FBXL20: variants seen among roughly 807,000 people sequenced by gnomAD.
FBXL20 encodes the protein F-box/LRR-repeat protein 20.
Under a neutral mutation model 64.0 loss-of-function variants are expected in FBXL20, and 11 were observed. That is an observed-to-expected ratio of 0.17 (90% CI 0.11 to 0.28). The LOEUF is 0.28. Among genes scored for constraint, FBXL20 ranks in the 10% least tolerant of loss-of-function variants. FBXL20 has a pLI of 1.00. For synonymous variants in FBXL20, 184 were observed against 189.0 expected (o/e 0.97, Z 0.22); for missense variants, 303 against 526.2 (o/e 0.58, Z 4.15).
At chr17:39,327,842 A>G (rs990256447) in intron 2 of FBXL20, among the ~76,000 whole-genome samples, 1 of 152,088 alleles carries the variant, frequency 6.6e-6, no homozygotes, top group Non-Finnish European at 1.5e-5. Flanking sequence ...CTGGGACTAT[A>G]GGCGCCTGCC....
intron 2 of FBXL20, among the ~76,000 whole-genome samples, chr17:39,335,738 ACT>A (rs2047515526): frequency 6.6e-6 from 1 of 152,182 alleles, no homozygotes; most frequent in South Asian, 2.1e-4. Context: ...AAGAGGGAGT[ACT>A]GTCAATCTTG....
intron 4 of FBXL20, among the ~76,000 whole-genome samples, 194 bp downstream of exon 4, chr17:39,300,807 C>T (rs1430731772): frequency 1.3e-5 from 2 of 152,124 alleles, no homozygotes; most frequent in African/African-American, 4.8e-5. Context: ...TGTATTATTT[C>T]AGTGAAATAA....
intron 7 of FBXL20, 132 bp from the exon 8 acceptor site, chr17:39,282,987 A>G: frequency 2.1e-6 from 2 of 966,752 alleles, no homozygotes; most frequent in Non-Finnish European, 3.1e-6. Flanking sequence ...AAACATATTT[A>G]CCTAATGTAT....
intron 1 of FBXL20, among the ~76,000 whole-genome samples, chr17:39,355,045 C>T (rs2047722495): frequency 6.6e-6 from 1 of 152,186 alleles, no homozygotes. Context: ...GATTCTCCTG[C>T]CTCAGCCTCC....
intron 6 of FBXL20, among the ~76,000 whole-genome samples, chr17:39,293,620 T>G (rs2047060247): frequency 6.6e-6 from 1 of 152,350 alleles, no homozygotes; most frequent in South Asian, 2.1e-4. Flanking sequence ...GAGTCTTTAT[T>G]GAATGTCCCA....
At chr17:39,393,419 C>T (rs1447455928) in intron 1 of FBXL20, among the ~76,000 whole-genome samples, 2 of 152,146 alleles carry the variant, frequency 1.3e-5, no homozygotes, top group Non-Finnish European at 2.9e-5. Flanking sequence ...ACAGTGGTTA[C>T]TACATTTGAT....
chr17:39,362,717 A>G (rs2047810385), intron 1 of FBXL20, among the ~76,000 whole-genome samples: 1 of 149,358 alleles, frequency 6.7e-6, no homozygotes, highest in Non-Finnish European at 1.5e-5. Flanking sequence ...CTCGGGTTCA[A>G]GTGATTCTCC....
rs1180217720 is a variant in FBXL20, at chr17:39,255,474, G to A, written c.*5986C>T. ...ATAAATAAATACAACAGGTAGATGTGACTTGAGGGGGAAGCTGCAGAAGCC... is the reference window on the plus strand; with the variant it reads ...ATAAATAAATACAACAGGTAGATGTAACTTGAGGGGGAAGCTGCAGAAGCC... On this transcript the variant is annotated 3_prime_UTR_variant, in exon 15 of 15. Coordinates refer to ENST00000264658, the MANE Select transcript of FBXL20 (RefSeq NM_032875.3). The A allele has an allele frequency of 6.6e-6, 1 of 151,782 alleles. No individual in the cohort carries two copies. The highest frequency in any genetic ancestry group is 2.4e-5 in the African/African-American group (1 of 41,314). 9.4% of individuals were successfully genotyped at this position (151,782 alleles called of 1,614,324 possible). A position where few individuals can be genotyped will look rare whatever the true frequency, so the allele number is the denominator to read the frequency against.
chr17:39,285,584 G>GA lies in FBXL20; in HGVS notation c.399-12dup. On this transcript the variant is annotated splice_polypyrimidine_tract_variant and intron_variant, in intron 6 of 14. Transcript: ENST00000264658. ...AGGCTAGTACATGTACTGAAAAATG[G>GA]AAAAAGGAGAAAATAATGAATAAAC... 6.5e-7 allele frequency: 1 copy of GA among 1,544,374 alleles called. No homozygotes were observed. The highest frequency in any genetic ancestry group is 8.8e-7 in the Non-Finnish European group (1 of 1,134,778).
intron 2 of FBXL20, among the ~76,000 whole-genome samples, chr17:39,331,261 C>T (rs1378777217): frequency 1.3e-5 from 2 of 152,034 alleles, no homozygotes; most frequent in Non-Finnish European, 1.5e-5. Context: ...CCATCATGCC[C>T]GGCTAATTTT....
At chr17:39,402,279 CGGTTG>C, upstream of FBXL20, 1 of 1,165,070 alleles carries the variant, frequency 8.6e-7, no homozygotes, top group African/African-American at 1.7e-5. Flanking sequence ...CGCGCCTCCG[CGGTTG>C]CCGCCGCCGC....
At chr17:39,307,997 G>C (rs2047198198) in intron 2 of FBXL20, among the ~76,000 whole-genome samples, 1 of 149,890 alleles carries the variant, frequency 6.7e-6, no homozygotes, top group South Asian at 2.1e-4. Context: ...AAATTTAAAA[G>C]ACTTTGTGGA....
At chr17:39,351,667 G>A (rs774011719) in intron 1 of FBXL20, among the ~76,000 whole-genome samples, 1 of 151,996 alleles carries the variant, frequency 6.6e-6, no homozygotes, top group Non-Finnish European at 1.5e-5. Flanking sequence ...TAATTCTCTG[G>A]TTTTATATTA....
intron 1 of FBXL20, among the ~76,000 whole-genome samples, chr17:39,383,831 C>T: frequency 6.6e-6 from 1 of 151,924 alleles, no homozygotes; most frequent in African/African-American, 2.4e-5. Flanking sequence ...CTCAGGCAAT[C>T]CACCCACCTC....
chr17:39,392,546 G>A (rs1424432887), intron 1 of FBXL20, among the ~76,000 whole-genome samples: 1 of 151,616 alleles, frequency 6.6e-6, no homozygotes. Flanking sequence ...ATAAAAAAAG[G>A]GCGACATATA....
At chr17:39,265,517 T>C in intron 12 of FBXL20, 64 bp from the exon 13 acceptor site, 1 of 1,182,330 alleles carries the variant, frequency 8.5e-7, no homozygotes, top group South Asian at 1.3e-5. Flanking sequence ...TCATACCTGA[T>C]TCTTTTTTCT....
chr17:39,363,592 G>A (rs1168846898), intron 1 of FBXL20, among the ~76,000 whole-genome samples: 1 of 151,844 alleles, frequency 6.6e-6, no homozygotes, highest in Non-Finnish European at 1.5e-5. Flanking sequence ...GTAGGTGGGA[G>A]GATTGCCAGG....
chr17:39,382,841 A>G (rs1306864110), intron 1 of FBXL20, among the ~76,000 whole-genome samples: 1 of 151,936 alleles, frequency 6.6e-6, no homozygotes, highest in Non-Finnish European at 1.5e-5. Context: ...GTTGTCTCTA[A>G]TAAGATAAAC....
At chr17:39,328,806 G>A (rs2047433849) in intron 2 of FBXL20, among the ~76,000 whole-genome samples, 1 of 152,214 alleles carries the variant, frequency 6.6e-6, no homozygotes, top group Non-Finnish European at 1.5e-5. Flanking sequence ...TAATTCCAGT[G>A]ATTTTGGAGG....
Sources: allele counts gnomAD v4.1 joint callset (sites outside exome capture counted in the v4.1 genomes callset), GRCh38; gene constraint gnomAD v4.1.1; transcripts MANE v1.5; gene names NCBI Gene and HGNC (gene_info 2026-07-23, HGNC 2026-07-21).